ACTL8: variants seen among roughly 807,000 people sequenced by gnomAD.
ACTL8 encodes the protein actin like 8.
A neutral mutation model predicts 9.3 loss-of-function variants in ACTL8; 3 were observed. That is an observed-to-expected ratio of 0.32 (90% CI 0.15 to 0.83). ACTL8 has a LOEUF of 0.83. ACTL8 is among the 40% of genes least tolerant of loss of function. The probability of loss-of-function intolerance (pLI) is 0.57; values close to 1 mark genes in which losing one functional copy is unlikely to be tolerated. For synonymous variants in ACTL8, 224 were observed against 205.9 expected, an observed-to-expected ratio of 1.09 and a Z score of -0.75; for missense variants, 381 against 492.2, an observed-to-expected ratio of 0.77 and a Z score of 2.14.
At position 17,818,328 on chromosome 1, in the gene ACTL8, C is replaced by T. The variant is rs2066441258; in HGVS notation, c.-24-4657C>T. ...TGGCCACCACTTTAGCGCAGGCTAC[C>T]CACACCTTTCACCTCCTGTAATCTT... On this transcript the variant is annotated intron_variant, in intron 1 of 2. Coordinates refer to ENST00000375406, the MANE Select transcript of ACTL8 (RefSeq NM_030812.3). Among the ~76,000 whole-genome samples, 3 of 152,178 alleles carry T rather than the reference C, an allele frequency of 2.0e-5. No individual in the cohort carries two copies. The South Asian group carries it at 6.2e-4, about 32-fold the overall frequency.
rs1457821744 is a variant in ACTL8 at position 17,825,893 on chromosome 1, C to T, written c.475C>T (p.Pro159Ser). ...DSGYGLTRVQPFHQGRPLPAS... is the reference protein window; with the variant it reads ...DSGYGLTRVQSFHQGRPLPAS... ...TGGCTATGGCCTGACCCGCGTGCAG[C>T]CTTTCCACCAGGGCCGCCCCTTGCC... Residue 159 changes from proline (P) to serine (S), a missense_variant, in exon 3 of 3, where the codon CCT becomes TCT. Physicochemically the swap from Pro to Ser is moderately conservative, Grantham distance 74. Coordinates refer to ENST00000375406, the MANE Select transcript of ACTL8 (RefSeq NM_030812.3). 6.2e-7 allele frequency: 1 copy of T among 1,613,504 alleles called. No homozygotes were observed. Among genetic ancestry groups the T allele is most frequent in the African/African-American group, 1.3e-5 (1 of 74,962 alleles).
At chr1:17,802,630 G>A (rs1336753423) in intron 1 of ACTL8, among the ~76,000 whole-genome samples, 1 of 152,108 alleles carries the variant, frequency 6.6e-6, no homozygotes, top group Admixed American at 6.5e-5. Flanking sequence ...CTACCATATT[G>A]TCTTTAACTC....
At chr1:17,770,812 C>A (rs1051517583) in intron 1 of ACTL8, among the ~76,000 whole-genome samples, 1 of 152,164 alleles carries the variant, frequency 6.6e-6, no homozygotes, top group African/African-American at 2.4e-5. Flanking sequence ...AGTGGCTCCA[C>A]TGAGATTGTG....
rs570756602 is a variant in ACTL8 at position 17,810,269 on chromosome 1, A to G, written c.-24-12716A>G. Among the ~76,000 whole-genome samples, 5 of 152,326 alleles carry G rather than the reference A, an allele frequency of 3.3e-5. No individual in the cohort carries two copies. The East Asian group carries it at 9.6e-4, about 29-fold the overall frequency. On this transcript the variant is annotated intron_variant, in intron 1 of 2. Coordinates refer to ENST00000375406, the MANE Select transcript of ACTL8 (RefSeq NM_030812.3). ...ATACGTTCTCCAATATCCATCATAT[A>G]TATTCACTAGTTACTATCTTTTGAC...
In ACTL8 at chr1:17,823,131, C is replaced by T. The variant is rs764432630; in HGVS notation, c.123C>T (p.Asn41=). The change falls in exon 2 of 3, where the codon AAC becomes AAT. Residue 41 remains asparagine, a synonymous_variant. Transcript: ENST00000375406. The surrounding 1 kb of genome is among the most constrained non-coding windows in gnomAD (Gnocchi z 5.3). The stretch of plus-strand genomic sequence containing the variant: ...TGAACTACCTACCGTGCAAGGAGAA[C>T]CCTGGCCCCAGCTATGCCCGTAGGC... ...NIVNYLPCKE[N]PGPSYARRRV... is the part of the protein sequence containing the mutation. 1 of 1,614,228 alleles carries T rather than the reference C, an allele frequency of 6.2e-7. No homozygotes were observed. Among genetic ancestry groups the T allele is most frequent in the Non-Finnish European group, 8.5e-7 (1 of 1,180,044 alleles).
At chr1:17,755,549 CCTGA>C (rs2065960919) in intron 1 of ACTL8, 45 bp downstream of exon 1, 2 of 151,550 alleles carry the variant, frequency 1.3e-5, no homozygotes, top group African/African-American at 4.9e-5. Context: ...GGTTGTGGCC[CCTGA>C]CTGTTTTTTT....
Position 17,826,570 on chromosome 1 carries a change from G to A in ACTL8, c.*51G>A. ...GGCTCCTGTTAGATGGGCACGGGCG[G>A]ATTAATTTTAGCAAAATGTTCTGGG... On this transcript the variant is annotated 3_prime_UTR_variant, in exon 3 of 3. Coordinates refer to ENST00000375406, the MANE Select transcript of ACTL8 (RefSeq NM_030812.3). This position sits in a 1 kb window ranked among gnomAD's most constrained non-coding sequence, Gnocchi z 4.5. The A allele has an allele frequency of 7.1e-7, 1 of 1,408,046 alleles. No individual in the cohort carries two copies. The allele number at this position is 1,408,046 out of a possible 1,614,324, so 87.2% of individuals were successfully genotyped here. A position where few individuals can be genotyped will look rare whatever the true frequency, so the allele number is the denominator to read the frequency against.
At chr1:17,786,709 A>AT (rs1032102499) in intron 1 of ACTL8, among the ~76,000 whole-genome samples, 2 of 152,026 alleles carry the variant, frequency 1.3e-5, no homozygotes, top group African/African-American at 2.4e-5. Flanking sequence ...TTTAATTATT[A>AT]TTTTTTTAGA....
intron 1 of ACTL8, among the ~76,000 whole-genome samples, chr1:17,768,365 C>CGTGGGGATTTGACCTTGTGGCG (rs1175625552): frequency 2.0e-5 from 3 of 152,086 alleles, no homozygotes; most frequent in South Asian, 2.1e-4. Flanking sequence ...GTGCAGGGCT[C>CGTGGGGATTTGACCTTGTGGCG]ATGTTCAACA....
At chr1:17,776,991 TTTTTTTTTTTTTTTA>T (rs2066123062) in intron 1 of ACTL8, among the ~76,000 whole-genome samples, 1 of 135,092 alleles carries the variant, frequency 7.4e-6, no homozygotes, top group African/African-American at 2.8e-5. Flanking sequence ...TTTTTTTTTT[TTTTTTTTTTTTTTTA>T]GAGATGGGGG....
At chr1:17,760,801 G>T (rs2102672711) in intron 1 of ACTL8, among the ~76,000 whole-genome samples, 1 of 152,314 alleles carries the variant, frequency 6.6e-6, no homozygotes, top group African/African-American at 2.4e-5. Context: ...CTGGCATCTT[G>T]CCTGTCCAAG....
intron 1 of ACTL8, among the ~76,000 whole-genome samples, chr1:17,770,971 G>A (rs2066078934): frequency 6.6e-6 from 1 of 152,190 alleles, no homozygotes; most frequent in African/African-American, 2.4e-5. Flanking sequence ...TAACATCTCT[G>A]AGCTTCTAAG....
chr1:17,781,710 T>C (rs1289059519), intron 1 of ACTL8, among the ~76,000 whole-genome samples: 1 of 152,116 alleles, frequency 6.6e-6, no homozygotes, highest in African/African-American at 2.4e-5. Flanking sequence ...TTCAACCCAC[T>C]ACAAGGGCCA....
chr1:17,760,272 C>G (rs925151208), intron 1 of ACTL8, among the ~76,000 whole-genome samples: 1 of 152,092 alleles, frequency 6.6e-6, no homozygotes, highest in Non-Finnish European at 1.5e-5. Context: ...CTGATGGATT[C>G]GATGTGGGTC....
intron 1 of ACTL8, among the ~76,000 whole-genome samples, chr1:17,781,237 C>CTT (rs55725416): frequency 7.4e-6 from 1 of 136,036 alleles, no homozygotes; most frequent in South Asian, 2.5e-4. Flanking sequence ...CATTTTCTTT[C>CTT]TTTTTTTTTT....
intron 1 of ACTL8, among the ~76,000 whole-genome samples, chr1:17,801,305 G>C (rs1177801668): frequency 1.3e-5 from 2 of 152,136 alleles, no homozygotes; most frequent in Non-Finnish European, 2.9e-5. Flanking sequence ...GCAATACTGG[G>C]GAAGAGTATA....
Position 17,823,157 on chromosome 1 carries a change from G to T in ACTL8, c.149G>T (p.Arg50Leu). 1 of 1,614,234 alleles carries T rather than the reference G, an allele frequency of 6.2e-7. No individual in the cohort carries two copies. Among genetic ancestry groups the T allele is most frequent in the East Asian group, 2.2e-5 (1 of 44,876 alleles). ...ENPGPSYARR[R>L]VSLGIDICHP... ...CCTGGCCCCAGCTATGCCCGTAGGC[G>T]TGTGAGCCTGGGCATCGACATTTGC... The change falls in exon 2 of 3, where the codon CGT becomes CTT. Residue 50 changes from arginine to leucine, a missense_variant. Around this residue, in one of 3 missense-constraint regions of ACTL8, gnomAD observed 125 missense variants for 180.7 expected, o/e 0.69. Transcript: ENST00000375406. This position sits in a 1 kb window ranked among gnomAD's most constrained non-coding sequence, Gnocchi z 5.3.
intron 1 of ACTL8, among the ~76,000 whole-genome samples, chr1:17,773,592 T>C (rs1367773954): frequency 6.6e-6 from 1 of 152,174 alleles, no homozygotes. Context: ...CCCGGTTCTG[T>C]CCTAGTTACT....
chr1:17,773,508 T>C (rs2066097498), intron 1 of ACTL8, among the ~76,000 whole-genome samples: 1 of 152,240 alleles, frequency 6.6e-6, no homozygotes, highest in Non-Finnish European at 1.5e-5. Context: ...CCGGCTTAGC[T>C]CTACCCTTAT....
Sources: gnomAD v4.1 joint callset for allele counts (sites outside exome capture counted in the v4.1 genomes callset) on GRCh38, gnomAD v4.1.1 for gene constraint, gnomAD v4.1.1 regional missense constraint, Gnocchi (gnomAD v3.1) non-coding constraint, MANE v1.5 for transcripts, NCBI Gene and HGNC (gene_info 2026-07-23, HGNC 2026-07-21) for gene names.